Variants in FMNL2 observed in about 807,000 individuals in gnomAD.
FMNL2 encodes formin like 2.
FMNL2 carries 51 observed loss-of-function variants against 130.2 expected under a neutral mutation model. That is an observed-to-expected ratio of 0.39 (90% CI 0.31 to 0.49). The LOEUF is 0.49. Among genes scored for constraint, FMNL2 ranks in the 20% least tolerant of loss-of-function variants. FMNL2 has a pLI of 0.85. For missense variants in FMNL2, 977 were observed against 1,316.2 expected, an observed-to-expected ratio of 0.74 and a Z score of 3.99; for synonymous variants, 465 against 467.1, an observed-to-expected ratio of 1.00 and a Z score of 0.06.
At chr2:152,493,545 G>A (rs1048888072) in intron 1 of FMNL2, among the ~76,000 whole-genome samples, 2 of 152,188 alleles carry the variant, frequency 1.3e-5, no homozygotes, top group Non-Finnish European at 2.9e-5. Flanking sequence ...GATGGGGGTG[G>A]ATCCTTCATG....
chr2:152,563,411 T>C (rs1695642776), intron 6 of FMNL2, among the ~76,000 whole-genome samples: 1 of 152,210 alleles, frequency 6.6e-6, no homozygotes, highest in Non-Finnish European at 1.5e-5. Context: ...TTCATGCCAC[T>C]TAAGGACCTG....
At chr2:152,517,205 A>G (rs1692822424) in intron 1 of FMNL2, among the ~76,000 whole-genome samples, 1 of 152,186 alleles carries the variant, frequency 6.6e-6, no homozygotes, top group Non-Finnish European at 1.5e-5. Context: ...ATAATAAGCA[A>G]CAGATATTAT....
chr2:152,607,174 C>A (rs1302731356), intron 9 of FMNL2, among the ~76,000 whole-genome samples, 165 bp from the exon 10 acceptor site: 1 of 151,980 alleles, frequency 6.6e-6, no homozygotes, highest in Admixed American at 6.6e-5. Flanking sequence ...GGTTGCAGCT[C>A]ATATGGCTGT....
chr2:152,490,750 A>AT (rs894412042), intron 1 of FMNL2, among the ~76,000 whole-genome samples: 2 of 151,628 alleles, frequency 1.3e-5, no homozygotes, highest in Non-Finnish European at 2.9e-5. Context: ...AAAAAAAAAA[A>AT]GGAAAATTAT....
intron 1 of FMNL2, among the ~76,000 whole-genome samples, chr2:152,381,043 C>T (rs1279023860): frequency 6.6e-6 from 1 of 152,132 alleles, no homozygotes; most frequent in Non-Finnish European, 1.5e-5. Flanking sequence ...CTTTTCTTCT[C>T]TTTATTTCAA....
chr2:152,344,473 A>T (rs1348521359), intron 1 of FMNL2, among the ~76,000 whole-genome samples: 1 of 152,212 alleles, frequency 6.6e-6, no homozygotes, highest in African/African-American at 2.4e-5. Flanking sequence ...GAGAAGAGTT[A>T]AAAAAATGAA....
chr2:152,645,670 C>A (rs1027793407), intron 25 of FMNL2: 3 of 398,988 alleles, frequency 7.5e-6, no homozygotes, highest in Non-Finnish European at 1.4e-5. Context: ...GATTGAGCCT[C>A]TCTGTTGGAC....
At chr2:152,516,759 T>C (rs1417233151) in intron 1 of FMNL2, among the ~76,000 whole-genome samples, 1 of 152,078 alleles carries the variant, frequency 6.6e-6, no homozygotes, top group Non-Finnish European at 1.5e-5. Context: ...ATAGGTCTAT[T>C]TGGTTGTGAA....
chr2:152,624,030 C>T (rs1681560543), intron 15 of FMNL2, among the ~76,000 whole-genome samples: 1 of 128,714 alleles, frequency 7.8e-6, no homozygotes, highest in Non-Finnish European at 1.6e-5. Context: ...AGAATCCATA[C>T]AATTCCTTCC....
intron 14 of FMNL2, 34 bp from the exon 15 acceptor site, chr2:152,619,475 T>G: frequency 1.3e-6 from 2 of 1,549,714 alleles, no homozygotes; most frequent in Non-Finnish European, 1.7e-6. Context: ...TTCCCGTATT[T>G]TCAAAGTCCA....
chr2:152,400,860 A>C (rs1685655083), intron 1 of FMNL2, among the ~76,000 whole-genome samples: 1 of 152,196 alleles, frequency 6.6e-6, no homozygotes, highest in Admixed American at 6.5e-5. Flanking sequence ...GTTGAGCCCC[A>C]CTGCTTTAGG....
intron 1 of FMNL2, among the ~76,000 whole-genome samples, chr2:152,521,101 C>G (rs951131933): frequency 2.6e-4 from 39 of 152,220 alleles, no homozygotes; most frequent in African/African-American, 8.7e-4. Flanking sequence ...AAGAATAGAT[C>G]TGAATTCTTT....
At chr2:152,447,997 T>G (rs530406526) in intron 1 of FMNL2, among the ~76,000 whole-genome samples, 6 of 152,260 alleles carry the variant, frequency 3.9e-5, no homozygotes, top group African/African-American at 1.2e-4. Context: ...AACTGTAATT[T>G]GATAGAGAAT....
chr2:152,621,897 C>T (rs1307012677), intron 15 of FMNL2, among the ~76,000 whole-genome samples: 2 of 152,164 alleles, frequency 1.3e-5, no homozygotes, highest in African/African-American at 4.8e-5. Flanking sequence ...AAACCTATGA[C>T]ATCACTTGGC....
chr2:152,616,992 G>A, intron 12 of FMNL2, 99 bp from the exon 13 acceptor site: 1 of 934,996 alleles, frequency 1.1e-6, no homozygotes, highest in Non-Finnish European at 1.7e-6. Context: ...CACATGCAGG[G>A]CCCTGGTCCC....
intron 3 of FMNL2, among the ~76,000 whole-genome samples, chr2:152,544,333 A>G (rs562052270): frequency 8.9e-4 from 135 of 152,268 alleles, no homozygotes; most frequent in Non-Finnish European, 1.3e-3. Context: ...GCTTGAACCC[A>G]GGAGGCGGAG....
At chr2:152,574,999 T>TA in intron 6 of FMNL2, 137 bp from the exon 7 acceptor site, 1 of 564,530 alleles carries the variant, frequency 1.8e-6, no homozygotes, top group East Asian at 2.8e-5. Context: ...AAATCAATCT[T>TA]ACTGTTGCCA....
chr2:152,399,870 A>G (rs1291670872), intron 1 of FMNL2, among the ~76,000 whole-genome samples: 1 of 152,142 alleles, frequency 6.6e-6, no homozygotes, highest in Non-Finnish European at 1.5e-5. Context: ...TAGCTACTGG[A>G]TGAAGAGTGC....
chr2:152,453,363 A>C (rs1688762422), intron 1 of FMNL2, among the ~76,000 whole-genome samples: 1 of 152,160 alleles, frequency 6.6e-6, no homozygotes, highest in South Asian at 2.1e-4. Flanking sequence ...GTATATATTT[A>C]AAAGAGCTTT....
Sources: gnomAD v4.1 joint callset for allele counts (sites outside exome capture counted in the v4.1 genomes callset) on GRCh38, gnomAD v4.1.1 for gene constraint, MANE v1.5 for transcripts, NCBI Gene and HGNC (gene_info 2026-07-23, HGNC 2026-07-21) for gene names.